PRDM1: variants seen among roughly 807,000 people sequenced by gnomAD.
The protein encoded by PRDM1 is PR domain zinc finger protein 1.
A neutral mutation model predicts 62.8 loss-of-function variants in PRDM1; 13 were observed. The observed-to-expected ratio is 0.21, with a 90% CI of 0.13 to 0.33. PRDM1 has a LOEUF of 0.33. PRDM1 is among the 10% of genes least tolerant of loss of function. The pLI is 1.00. For missense variants in PRDM1, 895 were observed against 1,058.8 expected (o/e 0.85, Z 2.15); for synonymous variants, 396 against 417.6 (o/e 0.95, Z 0.63).
chr6:106,023,528 T>C (rs1038868226), intron 1 of PRDM1, among the ~76,000 whole-genome samples: 7 of 152,100 alleles, frequency 4.6e-5, no homozygotes, highest in African/African-American at 1.7e-4. Context: ...AGCCCTCCCC[T>C]CCTCTAGGAA....
chr6:106,082,637 C>A (rs149829074), upstream of PRDM1, among the ~76,000 whole-genome samples: 1 of 152,176 alleles, frequency 6.6e-6, no homozygotes, highest in Non-Finnish European at 1.5e-5. Context: ...AGAACACTTA[C>A]ATCTTCATTC....
At chr6:106,045,442 G>A (rs538608363), upstream of PRDM1, 8 of 152,198 alleles carry the variant, frequency 5.3e-5, no homozygotes, top group African/African-American at 1.9e-4. Context: ...CTGGAACTAC[G>A]CCCTCATTTA....
At chr6:106,036,938 C>T (rs1297852725) in intron 1 of PRDM1, among the ~76,000 whole-genome samples, 5 of 152,172 alleles carry the variant, frequency 3.3e-5, no homozygotes, top group Non-Finnish European at 7.4e-5. Context: ...CTCAGCACTC[C>T]CAAGTAGCTG....
At chr6:106,012,155 C>T (rs1430465134) in intron 1 of PRDM1, among the ~76,000 whole-genome samples, 1 of 146,284 alleles carries the variant, frequency 6.8e-6, no homozygotes, top group African/African-American at 2.5e-5. Flanking sequence ...CCACACCCCT[C>T]CACATTCACA....
At chr6:106,016,306 A>G (rs963920680) in intron 1 of PRDM1, among the ~76,000 whole-genome samples, 1 of 151,994 alleles carries the variant, frequency 6.6e-6, no homozygotes, top group Non-Finnish European at 1.5e-5. Context: ...CTTTCTTCAT[A>G]TTGTTTTATA....
chr6:106,049,129 T>G (rs1358712297), intron 1 of PRDM1, among the ~76,000 whole-genome samples: 1 of 152,210 alleles, frequency 6.6e-6, no homozygotes, highest in Non-Finnish European at 1.5e-5. Context: ...TTTCCAATTT[T>G]ATATTAGCAC....
chr6:106,094,591 C>T (rs998657787), intron 2 of PRDM1, among the ~76,000 whole-genome samples: 8 of 152,096 alleles, frequency 5.3e-5, no homozygotes, highest in Non-Finnish European at 1.0e-4. Context: ...AGCTTTCCTC[C>T]GTATAAACTT....
intron 1 of PRDM1, among the ~76,000 whole-genome samples, chr6:106,051,319 CT>C (rs1250159364): frequency 1.3e-5 from 2 of 152,216 alleles, no homozygotes; most frequent in Admixed American, 1.3e-4. Context: ...TGGGCTAGGT[CT>C]TCTGCCCCCG....
intron 1 of PRDM1, among the ~76,000 whole-genome samples, chr6:106,012,020 TACAA>T (rs1772556408): frequency 1.7e-5 from 1 of 59,478 alleles, no homozygotes; most frequent in Non-Finnish European, 3.3e-5. Context: ...ACACCACTCA[TACAA>T]ACATACCACA....
At chr6:106,028,703 T>C (rs1772797719) in intron 1 of PRDM1, among the ~76,000 whole-genome samples, 1 of 152,176 alleles carries the variant, frequency 6.6e-6, no homozygotes, top group Non-Finnish European at 1.5e-5. Flanking sequence ...CACAGACACA[T>C]GTGATGTCAT....
chr6:106,087,937 C>CTT (rs67873862), intron 1 of PRDM1: 69 of 198,744 alleles, frequency 3.5e-4, no homozygotes, highest in South Asian at 5.3e-4. Context: ...AGAGGTGATT[C>CTT]TTTTTTTTTT....
At chr6:106,097,467 A>G (rs1410115184) in intron 3 of PRDM1, among the ~76,000 whole-genome samples, 1 of 152,254 alleles carries the variant, frequency 6.6e-6, no homozygotes, top group East Asian at 1.9e-4. Flanking sequence ...TTTTGCTGGC[A>G]GGAATATGAA....
At chr6:106,030,992 CTCTCTT>C (rs1187829478) in intron 1 of PRDM1, among the ~76,000 whole-genome samples, 1 of 82,058 alleles carries the variant, frequency 1.2e-5, no homozygotes, top group Admixed American at 1.5e-4. Flanking sequence ...CATTTGTATT[CTCTCTT>C]TTTTTTTTTT....
intron 1 of PRDM1, among the ~76,000 whole-genome samples, chr6:106,032,931 T>C (rs1456452929): frequency 6.6e-6 from 1 of 152,236 alleles, no homozygotes; most frequent in African/African-American, 2.4e-5. Flanking sequence ...AAGTTTACTG[T>C]TGTGTCTGGC....
At chr6:106,038,697 C>G (rs1216547572) in intron 1 of PRDM1, among the ~76,000 whole-genome samples, 3 of 152,156 alleles carry the variant, frequency 2.0e-5, no homozygotes, top group African/African-American at 7.2e-5. Context: ...GTCCCTTTTG[C>G]ACACCCTGGC....
rs1227783243 is a variant in PRDM1 at position 106,038,014 on chromosome 6, CTT to C, written c.-67+44394_-67+44395del. Among the ~76,000 whole-genome samples the C allele has an allele frequency of 1.7e-3, 83 of 47,790 alleles. 3 individuals are homozygous for C. Among genetic ancestry groups the C allele is most frequent in the African/African-American group, 5.9e-3 (69 of 11,658 alleles). 31.4% of individuals were successfully genotyped at this position (47,790 alleles called of 152,430 possible). On this transcript the variant is annotated intron_variant, in intron 1 of 6. Coordinates refer to the PRDM1 transcript ENST00000652320. Reference sequence around the variant, plus strand: ...CTTTCCTATGGTTTGCTATTTTTGTCTTTTTTTTTTTTTTTTTTTTGAGACAG... The same window carrying C: ...CTTTCCTATGGTTTGCTATTTTTGTCTTTTTTTTTTTTTTTTTTGAGACAG...
intron 1 of PRDM1, among the ~76,000 whole-genome samples, chr6:106,017,873 G>C (rs190201816): frequency 6.6e-6 from 1 of 152,164 alleles, no homozygotes; most frequent in East Asian, 1.9e-4. Context: ...CTGAGGGTCA[G>C]GGGGAGTGTG....
At chr6:106,072,617 T>A (rs1330260243) in intron 1 of PRDM1, among the ~76,000 whole-genome samples, 4 of 152,234 alleles carry the variant, frequency 2.6e-5, no homozygotes, top group Non-Finnish European at 5.9e-5. Flanking sequence ...TAGCTGGATT[T>A]CAGCATCACT....
rs551063156 is a variant in PRDM1, at chr6:106,029,127, A to G, written c.-67+35488A>G. Among the ~76,000 whole-genome samples, 442 of 151,850 alleles carry G rather than the reference A, an allele frequency of 2.9e-3. 2 individuals carry two copies. Among genetic ancestry groups the G allele is most frequent in the African/African-American group, 0.01 (427 of 41,452 alleles). ...GTAGAGACGGGGTTTCATCATGTTGACCAGGATGGTCTCAATCTCTTGACC... is the reference window on the plus strand; with the variant it reads ...GTAGAGACGGGGTTTCATCATGTTGGCCAGGATGGTCTCAATCTCTTGACC... On this transcript the variant is annotated intron_variant, in intron 1 of 6. Coordinates refer to the PRDM1 transcript ENST00000652320.
Sources: gnomAD v4.1 joint callset for allele counts (sites outside exome capture counted in the v4.1 genomes callset) on GRCh38, gnomAD v4.1.1 for gene constraint, MANE v1.5 for transcripts, NCBI Gene and HGNC (gene_info 2026-07-23, HGNC 2026-07-21) for gene names.